The following COA1 variants were observed in gnomAD, a reference collection of about 807,000 sequenced individuals.
COA1 encodes cytochrome c oxidase assembly factor 1, also known as cytochrome c oxidase assembly factor 1 homolog.
In COA1, 13 loss-of-function variants were observed where a neutral mutation model predicts 16.0. That is an observed-to-expected ratio of 0.81 (90% CI 0.53 to 1.29). The LOEUF is 1.29. Ranked by LOEUF, COA1 falls within the 50% of genes most tolerant of loss-of-function variation. COA1 has a pLI of 0.00. For synonymous variants in COA1, 65 were observed against 65.7 expected, an observed-to-expected ratio of 0.99 and a Z score of 0.05; for missense variants, 179 against 177.0, an observed-to-expected ratio of 1.01 and a Z score of -0.06.
chr7:43,715,141 C>T (rs1433230276), intron 1 of COA1, among the ~76,000 whole-genome samples: 1 of 151,540 alleles, frequency 6.6e-6, no homozygotes, highest in East Asian at 1.9e-4. Flanking sequence ...TGAAACACAC[C>T]AAGTATTACT....
At chr7:43,619,585 A>G in intron 6 of COA1, 1 of 1,610,336 alleles carries the variant, frequency 6.2e-7, no homozygotes, top group South Asian at 1.1e-5. Context: ...GCGGGGGTGT[A>G]TTTTCTTTTA....
intron 1 of COA1, among the ~76,000 whole-genome samples, chr7:43,654,619 A>G (rs1027274204): frequency 1.3e-5 from 2 of 152,250 alleles, no homozygotes; most frequent in African/African-American, 4.8e-5. Flanking sequence ...GAACAAGAAT[A>G]TAAAAATGAA....
At position 43,639,466 on chromosome 7, in the gene COA1, C is replaced by A; in HGVS notation, c.*116G>T. The A allele has an allele frequency of 1.3e-6, 1 of 760,424 alleles. No individual in the cohort carries two copies. Among genetic ancestry groups the A allele is most frequent in the Non-Finnish European group, 2.3e-6 (1 of 439,686 alleles). 47.1% of individuals were successfully genotyped at this position (760,424 alleles called of 1,614,324 possible). ...GCACATACCATCATCCCACTGGTGG[C>A]TGGAAAACTGGGTTGCAGGAGTGTC... On this transcript the variant is annotated 3_prime_UTR_variant, in exon 6 of 6. Coordinates refer to ENST00000223336, the MANE Select transcript of COA1 (RefSeq NM_018224.4).
intron 1 of COA1, among the ~76,000 whole-genome samples, chr7:43,664,947 T>C (rs1036537445): frequency 2.0e-5 from 3 of 152,206 alleles, no homozygotes; most frequent in Non-Finnish European, 4.4e-5. Flanking sequence ...TAAATTCCGA[T>C]GTTCTCACAT....
At chr7:43,646,898 A>T (rs773160249) in intron 3 of COA1, 4 of 198,536 alleles carry the variant, frequency 2.0e-5, no homozygotes, top group Admixed American at 1.1e-4. Context: ...AAAGGAGCCT[A>T]AAAAAAGCCA....
intron 1 of COA1, among the ~76,000 whole-genome samples, chr7:43,727,231 G>A (rs2095635220): frequency 6.6e-6 from 1 of 152,196 alleles, no homozygotes; most frequent in African/African-American, 2.4e-5. Context: ...TGTTGGCAAG[G>A]AGTGAGAAAT....
intron 1 of COA1, among the ~76,000 whole-genome samples, chr7:43,702,650 TA>T (rs2094796544): frequency 6.6e-6 from 1 of 152,156 alleles, no homozygotes; most frequent in African/African-American, 2.4e-5. Context: ...TTTCTCTACA[TA>T]GGGGTGTTCA....
chr7:43,627,980 G>T (rs555129161), intron 6 of COA1, among the ~76,000 whole-genome samples: 17 of 151,740 alleles, frequency 1.1e-4, no homozygotes, highest in African/African-American at 4.1e-4. Flanking sequence ...GCTTTTTCTT[G>T]TTTTGTTTTG....
chr7:43,639,475 T>G lies in COA1; in HGVS notation c.*107A>C. The G allele has an allele frequency of 1.2e-6, 1 of 816,082 alleles. No homozygotes were observed. The highest frequency in any genetic ancestry group is 2.1e-5 in the Admixed American group (1 of 47,838). The allele number at this position is 816,082 out of a possible 1,614,324, so 50.6% of individuals were successfully genotyped here. ...ATCATCCCACTGGTGGCTGGAAAAC[T>G]GGGTTGCAGGAGTGTCTGTCACTGA... On this transcript the variant is annotated 3_prime_UTR_variant, in exon 6 of 6. Coordinates refer to ENST00000223336, the MANE Select transcript of COA1 (RefSeq NM_018224.4).
chr7:43,700,519 A>T (rs2094686917), intron 1 of COA1, among the ~76,000 whole-genome samples: 1 of 140,282 alleles, frequency 7.1e-6, no homozygotes, highest in Non-Finnish European at 1.6e-5. Flanking sequence ...CTTTTATAAA[A>T]ATGTAGGCAG....
At chr7:43,728,873 C>T (rs2132457355) in intron 1 of COA1, among the ~76,000 whole-genome samples, 1 of 152,268 alleles carries the variant, frequency 6.6e-6, no homozygotes. Flanking sequence ...ACAGCATCCA[C>T]CCCCAAACAC....
intron 1 of COA1, among the ~76,000 whole-genome samples, chr7:43,682,085 A>G (rs144573476): frequency 6.0e-4 from 92 of 152,380 alleles, no homozygotes; most frequent in African/African-American, 2.1e-3. Context: ...AATAAAATAC[A>G]TAATATGAAC....
At chr7:43,715,407 G>A (rs952253968) in intron 1 of COA1, among the ~76,000 whole-genome samples, 3 of 152,012 alleles carry the variant, frequency 2.0e-5, no homozygotes, top group African/African-American at 7.2e-5. Context: ...GAACCCGGGA[G>A]GCAGACGTTG....
At chr7:43,624,435 T>C (rs2084263186) in intron 6 of COA1, 1 of 1,320,030 alleles carries the variant, frequency 7.6e-7, no homozygotes, top group South Asian at 1.8e-5. Flanking sequence ...TCCCAAAATA[T>C]AATGCAATAA....
At chr7:43,691,421 A>AGAAG (rs1554542662) in intron 1 of COA1, among the ~76,000 whole-genome samples, 1 of 87,460 alleles carries the variant, frequency 1.1e-5, no homozygotes, top group Non-Finnish European at 2.2e-5. Context: ...GGAAGAAAGA[A>AGAAG]AAAGAAAGAA....
intron 1 of COA1, chr7:43,649,768 G>T (rs939142746): frequency 6.6e-6 from 1 of 152,218 alleles, no homozygotes; most frequent in African/African-American, 2.4e-5. Flanking sequence ...GCCAACAGTT[G>T]GAAGTACTAT....
intron 6 of COA1, among the ~76,000 whole-genome samples, chr7:43,617,040 G>T (rs965597889): frequency 6.6e-6 from 1 of 152,192 alleles, no homozygotes; most frequent in Non-Finnish European, 1.5e-5. Flanking sequence ...AGAAAAAAGC[G>T]TTCTAGACTG....
chr7:43,708,255 T>A (rs2095075727), intron 1 of COA1, among the ~76,000 whole-genome samples: 1 of 152,178 alleles, frequency 6.6e-6, no homozygotes, highest in Non-Finnish European at 1.5e-5. Flanking sequence ...ATCACTTGAA[T>A]TCAAGACAAA....
At chr7:43,718,222 C>T (rs2095434179) in intron 1 of COA1, among the ~76,000 whole-genome samples, 1 of 152,160 alleles carries the variant, frequency 6.6e-6, no homozygotes. Flanking sequence ...GTAAGAATAA[C>T]TGTTAGCAGC....
Sources: allele counts gnomAD v4.1 joint callset (sites outside exome capture counted in the v4.1 genomes callset), GRCh38; gene constraint gnomAD v4.1.1; transcripts MANE v1.5; gene names NCBI Gene and HGNC (gene_info 2026-07-23, HGNC 2026-07-21).